CARD9: variants seen among roughly 807,000 people sequenced by gnomAD.
CARD9 encodes caspase recruitment domain-containing protein 9.
Under a neutral mutation model 66.0 loss-of-function variants are expected in CARD9, and 53 were observed. That is an observed-to-expected ratio of 0.80 (90% CI 0.64 to 1.01). The LOEUF is 1.01. Ranked by LOEUF, CARD9 falls within the 50% of genes least tolerant of loss-of-function variation. The pLI, the probability that CARD9 is intolerant of heterozygous loss-of-function variation, is 0.00. For synonymous variants in CARD9, 387 were observed against 313.8 expected, an observed-to-expected ratio of 1.23 and a Z score of -2.47; for missense variants, 769 against 743.2, an observed-to-expected ratio of 1.03 and a Z score of -0.40.
chr9:136,372,397 G>A (rs1833298497), intron 1 of CARD9, among the ~76,000 whole-genome samples: 1 of 152,198 alleles, frequency 6.6e-6, no homozygotes, highest in Non-Finnish European at 1.5e-5. Flanking sequence ...AGCGGGGGAG[G>A]CACAGATGGG....
Position 136,365,228 on chromosome 9 carries a change from G to T in CARD9, c.1358-11C>A. Reference sequence around the variant, plus strand: ...CGCCGGCAAGGCAGCCTGGAAAGGAGAGTCGTGCCTGTGGGACCTGCCCAT... The same window carrying T: ...CGCCGGCAAGGCAGCCTGGAAAGGATAGTCGTGCCTGTGGGACCTGCCCAT... On this transcript the variant is annotated splice_polypyrimidine_tract_variant and intron_variant, in intron 10 of 12. Transcript: ENST00000371732. 6.2e-7 allele frequency: 1 copy of T among 1,606,626 alleles called. No individual in the cohort carries two copies.
At chr9:136,366,490 G>A (rs1008408675) in intron 10 of CARD9, 3 of 483,708 alleles carry the variant, frequency 6.2e-6, no homozygotes, top group South Asian at 2.3e-5. Context: ...CTGCCCAGAG[G>A]GGCCCCACAC....
chr9:136,364,974 G>A (rs915452553), intron 11 of CARD9, 167 bp downstream of exon 11: 25 of 649,660 alleles, frequency 3.8e-5, no homozygotes, highest in Non-Finnish European at 6.0e-5. Flanking sequence ...GATCCACTTC[G>A]CAGCCCAGAC....
intron 2 of CARD9, 112 bp from the exon 3 acceptor site, chr9:136,371,573 C>T (rs1245317021): frequency 1.6e-5 from 23 of 1,466,570 alleles, no homozygotes; most frequent in Middle Eastern, 2.4e-4. Context: ...TGAGGTGTGC[C>T]GTGGTCTGGG....
At chr9:136,373,116 C>T (rs1041632214) in intron 1 of CARD9, among the ~76,000 whole-genome samples, 21 of 152,370 alleles carry the variant, frequency 1.4e-4, no homozygotes, top group East Asian at 1.9e-4. Flanking sequence ...CGCTGGGAAA[C>T]GCTGGTTTCC....
intron 1 of CARD9, among the ~76,000 whole-genome samples, chr9:136,373,218 C>T (rs1397919005): frequency 6.6e-6 from 1 of 152,246 alleles, no homozygotes; most frequent in Non-Finnish European, 1.5e-5. Flanking sequence ...TGCACTTTGT[C>T]ACCCCATTCA....
rs886450957 is a variant in CARD9, at chr9:136,366,593, T to A, written c.1357+207A>T. On this transcript the variant is annotated intron_variant, in intron 10 of 12. Coordinates refer to ENST00000371732, the MANE Select transcript of CARD9 (RefSeq NM_052813.5). ...CCCAGGGGACACTTGTCCCACTAGCTGGGGCCCTGGGTTCCAGCTGGGCTC... is the reference window on the plus strand; with the variant it reads ...CCCAGGGGACACTTGTCCCACTAGCAGGGGCCCTGGGTTCCAGCTGGGCTC... The A allele has an allele frequency of 1.8e-5, 11 of 620,402 alleles. No homozygotes were observed. In the Admixed American group the frequency reaches 2.9e-4, roughly 16 times the overall value. The allele number at this position is 620,402 out of a possible 1,614,324, so 38.4% of individuals were successfully genotyped here.
chr9:136,367,887 C>G (rs541901067), intron 7 of CARD9, 59 bp from the exon 8 acceptor site: 91 of 1,526,924 alleles, frequency 6.0e-5, no homozygotes, highest in Non-Finnish European at 7.5e-5. Flanking sequence ...CCTGGGCCCT[C>G]GGCCCGGCCG....
rs746419165 is a variant in CARD9 at position 136,367,986 on chromosome 9, C to T, written c.1078-158G>A. Reference sequence around the variant, plus strand: ...CCTCCATTTGTGTGCTCTGCGGACACGAAGTCAGCACGTGGGGGATTGTAA... The same window carrying T: ...CCTCCATTTGTGTGCTCTGCGGACATGAAGTCAGCACGTGGGGGATTGTAA... On this transcript the variant is annotated intron_variant, in intron 7 of 12. Transcript: ENST00000371732. 1.3e-5 allele frequency: 19 copies of T among 1,426,290 alleles called. No homozygotes were observed. In the Admixed American group the frequency reaches 2.0e-4, roughly 15 times the overall value. 88.4% of individuals were successfully genotyped at this position (1,426,290 alleles called of 1,614,324 possible).
intron 1 of CARD9, 47 bp downstream of exon 1, chr9:136,373,485 A>G: frequency 3.0e-6 from 3 of 985,478 alleles, no homozygotes; most frequent in Non-Finnish European, 3.6e-6. Flanking sequence ...AACTAGGCCA[A>G]CGCCAACCTT....
chr9:136,368,965 G>A (rs529194776), intron 7 of CARD9, among the ~76,000 whole-genome samples: 6 of 152,080 alleles, frequency 3.9e-5, no homozygotes, highest in Non-Finnish European at 5.9e-5. Flanking sequence ...GATTACAGGC[G>A]CCCGGAACCA....
rs921246629 is a variant in CARD9, at chr9:136,370,935, C to T, written c.533G>A (p.Cys178Tyr). ...CEAGSRELKRCKEENYDLAMR... is the reference protein window; with the variant it reads ...CEAGSRELKRYKEENYDLAMR... ...GGCCAGGTCGTAGTTCTCCTCCTTG[C>T]AGCGCTTGAGCTCGCGGCTGCCGGC... The change falls in exon 4 of 13, where the codon TGC becomes TAC. Residue 178 changes from cysteine to tyrosine, a missense_variant. Cys to Tyr is a radical substitution (Grantham distance 194). Transcript: ENST00000371732. 1.9e-6 allele frequency: 3 copies of T among 1,612,310 alleles called. No individual in the cohort carries two copies. The highest frequency in any genetic ancestry group is 1.3e-5 in the African/African-American group (1 of 74,948).
At chr9:136,369,636 C>A in intron 7 of CARD9, 114 bp downstream of exon 7, 1 of 1,520,682 alleles carries the variant, frequency 6.6e-7, no homozygotes, top group Non-Finnish European at 8.8e-7. Flanking sequence ...AAGACCCCAT[C>A]TCAAAAACAA....
intron 2 of CARD9, 31 bp from the exon 3 acceptor site, chr9:136,371,492 G>T: frequency 6.4e-7 from 1 of 1,558,440 alleles, no homozygotes; most frequent in South Asian, 1.2e-5. Context: ...ACTGGGGGCG[G>T]GGCACAGGCG....
Position 136,371,905 on chromosome 9 carries a change from T to C in CARD9, c.174A>G (p.Lys58=). Residue 58 remains lysine (K), a synonymous_variant, in exon 2 of 13, where the codon AAA becomes AAG. Transcript: ENST00000371732. ...VLSDPNLVIR[K]RKVGVLLDIL... is the part of the protein sequence containing the mutation. ...CGGGGCAACACTGACCCACTTTCCG[T>C]TTGCGGATGACCAGGTTGGGGTCGC... The C allele has an allele frequency of 6.2e-7, 1 of 1,602,366 alleles. No individual in the cohort carries two copies.
chr9:136,372,039 G>C lies in CARD9; in HGVS notation c.40C>G (p.Leu14Val). ...GTGAGCGTCACCCGGAAGCCCTCCA[G>C]GACGCTCCAGCACTCGTCATCGTTC... ...YENDDECWSV[L>V]EGFRVTLTSV... The change falls in exon 2 of 13, where the codon CTG becomes GTG. Residue 14 changes from leucine to valine, a missense_variant. Leu to Val is a conservative substitution (Grantham distance 32). Coordinates refer to ENST00000371732, the MANE Select transcript of CARD9 (RefSeq NM_052813.5). The C allele has an allele frequency of 6.2e-7, 1 of 1,612,810 alleles. No homozygotes were observed. Among genetic ancestry groups the C allele is most frequent in the East Asian group, 2.2e-5 (1 of 44,878 alleles).
At chr9:136,367,105 C>T (rs1833142036) in intron 9 of CARD9, 111 bp downstream of exon 9, 1 of 1,309,690 alleles carries the variant, frequency 7.6e-7, no homozygotes. Flanking sequence ...CCCAGCCCAG[C>T]CCACCGAGCA....
chr9:136,370,573 C>T lies in CARD9; in HGVS notation c.756G>A (p.Gln252=). The change falls in exon 5 of 13, where the codon CAG becomes CAA. Residue 252 remains glutamine (Q), a synonymous_variant. Coordinates refer to ENST00000371732, the MANE Select transcript of CARD9 (RefSeq NM_052813.5). The part of the protein sequence containing the change: ...PSQELLWELQ[Q]EKALLQARVQ... ...CCCGGGCCTGGAGCAGGGCCTTCTC[C>T]TGCTGCAGCTCCCACAGCAGCTCCT... 6.2e-7 allele frequency: 1 copy of T among 1,611,586 alleles called. No homozygotes were observed. Among genetic ancestry groups the T allele is most frequent in the South Asian group, 1.1e-5 (1 of 90,980 alleles).
chr9:136,371,514 T>TGGGGGG, intron 2 of CARD9, 53 bp from the exon 3 acceptor site: 4 of 361,620 alleles, frequency 1.1e-5, no homozygotes, highest in Non-Finnish European at 1.9e-5. Context: ...GGCAGAGGGC[T>TGGGGGG]GGGGTGGGTG....
Sources: gnomAD v4.1 joint callset for allele counts (sites outside exome capture counted in the v4.1 genomes callset) on GRCh38, gnomAD v4.1.1 for gene constraint, MANE v1.5 for transcripts, NCBI Gene and HGNC (gene_info 2026-07-23, HGNC 2026-07-21) for gene names.